Variants in FXN observed in about 807,000 individuals in gnomAD.
FXN encodes frataxin, mitochondrial.
A neutral mutation model predicts 22.4 loss-of-function variants in FXN; 14 were observed. That is an observed-to-expected ratio of 0.62 (90% CI 0.41 to 0.98). The LOEUF is 0.98. Among genes scored for constraint, FXN ranks in the 50% least tolerant of loss-of-function variants. The pLI, the probability that FXN is intolerant of heterozygous loss-of-function variation, is 0.00. For synonymous variants in FXN, 120 were observed against 114.1 expected, an observed-to-expected ratio of 1.05 and a Z score of -0.33; for missense variants, 267 against 268.4, an observed-to-expected ratio of 0.99 and a Z score of 0.04.
intron 4 of FXN, among the ~76,000 whole-genome samples, chr9:69,072,238 T>C (rs1832288635): frequency 6.6e-6 from 1 of 152,210 alleles, no homozygotes; most frequent in Admixed American, 6.5e-5. Context: ...TAACAACTAA[T>C]AATATTATAG....
chr9:69,054,947 A>G (rs1322051063), intron 3 of FXN, among the ~76,000 whole-genome samples: 1 of 152,268 alleles, frequency 6.6e-6, no homozygotes, highest in Non-Finnish European at 1.5e-5. Flanking sequence ...TGGAAATTGC[A>G]GCGGGAGCAC....
intron 1 of FXN, among the ~76,000 whole-genome samples, chr9:69,039,344 C>T (rs1451829860): frequency 1.3e-5 from 2 of 152,182 alleles, no homozygotes; most frequent in Non-Finnish European, 2.9e-5. Flanking sequence ...TCCAGGTCCT[C>T]AGTCCCATTA....
At chr9:69,063,127 G>T (rs1399595148) in intron 3 of FXN, among the ~76,000 whole-genome samples, 1 of 152,032 alleles carries the variant, frequency 6.6e-6, no homozygotes, top group Non-Finnish European at 1.5e-5. Flanking sequence ...TGAGCATAGG[G>T]GTTTGAGGCT....
At chr9:69,054,295 C>T (rs1047388635) in intron 3 of FXN, among the ~76,000 whole-genome samples, 4 of 152,168 alleles carry the variant, frequency 2.6e-5, no homozygotes, top group African/African-American at 7.2e-5. Flanking sequence ...CCACCAGGTC[C>T]GGCCTGGTGT....
intron 3 of FXN, among the ~76,000 whole-genome samples, chr9:69,055,496 CTTT>C (rs780057588): frequency 3.6e-5 from 5 of 140,506 alleles, no homozygotes; most frequent in Admixed American, 7.1e-5. Flanking sequence ...TCTTCTTCTT[CTTT>C]TTTTTTTTTT....
At chr9:69,044,796 A>G (rs541520785) in intron 1 of FXN, among the ~76,000 whole-genome samples, 81 of 152,216 alleles carry the variant, frequency 5.3e-4, no homozygotes, top group African/African-American at 1.7e-3. Flanking sequence ...GTGGTAATCA[A>G]CTCAGACCCT....
chr9:69,056,351 G>T (rs551507321), intron 3 of FXN, among the ~76,000 whole-genome samples: 2 of 152,324 alleles, frequency 1.3e-5, no homozygotes, highest in Admixed American at 1.3e-4. Context: ...AACAGATTAT[G>T]GGAGGATCTA....
chr9:69,055,980 C>T (rs1425610970), intron 3 of FXN, among the ~76,000 whole-genome samples: 1 of 152,116 alleles, frequency 6.6e-6, no homozygotes, highest in East Asian at 1.9e-4. Flanking sequence ...AGCTTCTGGG[C>T]TCAAGTGATC....
At chr9:69,071,291 G>A (rs1832270694) in intron 4 of FXN, 3 of 518,888 alleles carry the variant, frequency 5.8e-6, no homozygotes, top group South Asian at 4.2e-5. Flanking sequence ...TCCATACTGG[G>A]AACAGGTTCA....
At chr9:69,036,094 C>T in intron 1 of FXN, 147 bp downstream of exon 1, 1 of 625,190 alleles carries the variant, frequency 1.6e-6, no homozygotes, top group Non-Finnish European at 2.2e-6. Context: ...GGCGGCCCGG[C>T]GGAAGCGGCC....
intron 3 of FXN, among the ~76,000 whole-genome samples, chr9:69,053,951 G>A (rs981957378): frequency 5.9e-5 from 9 of 152,128 alleles, no homozygotes; most frequent in African/African-American, 1.9e-4. Flanking sequence ...GGCATGACCT[G>A]GGCAGGGCAC....
At position 69,072,242 on chromosome 9, in the gene FXN, AT is replaced by A. The variant is rs1201729141; in HGVS notation, c.483-368del. Among the ~76,000 whole-genome samples the A allele has an allele frequency of 3.1e-4, 47 of 152,340 alleles. 1 individual carries two copies. Among genetic ancestry groups the A allele is most frequent in the African/African-American group, 1.1e-3 (44 of 41,586 alleles). On this transcript the variant is annotated intron_variant, in intron 4 of 4. Coordinates refer to ENST00000484259, the MANE Select transcript of FXN (RefSeq NM_000144.5). ...GAATTTCACCTTAACAACTAATAAT[AT>A]TATAGGTAAGGCACAAGTTACATCT...
intron 4 of FXN, among the ~76,000 whole-genome samples, chr9:69,069,178 A>C (rs1422992358): frequency 6.6e-6 from 1 of 152,224 alleles, no homozygotes; most frequent in Non-Finnish European, 1.5e-5. Context: ...AGCCTGGGCA[A>C]CATAGTGAAA....
At chr9:69,058,549 CTGA>C (rs1832005379) in intron 3 of FXN, among the ~76,000 whole-genome samples, 1 of 151,632 alleles carries the variant, frequency 6.6e-6, no homozygotes, top group Non-Finnish European at 1.5e-5. Flanking sequence ...CTCTAAGAAT[CTGA>C]TGACTGCTCT....
chr9:69,037,895 G>A (rs540081916), intron 1 of FXN, among the ~76,000 whole-genome samples: 6 of 152,276 alleles, frequency 3.9e-5, no homozygotes, highest in Admixed American at 6.5e-5. Flanking sequence ...CAGGTGATCC[G>A]CCCACCTCGC....
At chr9:69,067,564 C>G (rs915198642) in intron 4 of FXN, among the ~76,000 whole-genome samples, 1 of 152,206 alleles carries the variant, frequency 6.6e-6, no homozygotes, top group Admixed American at 6.5e-5. Flanking sequence ...CCCATACTCT[C>G]TGTGGAAAAG....
At chr9:69,064,116 C>G (rs1832124779) in intron 3 of FXN, among the ~76,000 whole-genome samples, 1 of 152,228 alleles carries the variant, frequency 6.6e-6, no homozygotes, top group Non-Finnish European at 1.5e-5. Context: ...TGGGGAACAG[C>G]AGGCTTCCCC....
intron 2 of FXN, among the ~76,000 whole-genome samples, 155 bp downstream of exon 2, chr9:69,046,637 G>C (rs1399281040): frequency 1.3e-5 from 2 of 152,176 alleles, no homozygotes; most frequent in Non-Finnish European, 2.9e-5. Flanking sequence ...AATAGTATTA[G>C]ATTGCATGGA....
At chr9:69,044,340 G>C (rs188642891) in intron 1 of FXN, among the ~76,000 whole-genome samples, 1 of 152,166 alleles carries the variant, frequency 6.6e-6, no homozygotes, top group Non-Finnish European at 1.5e-5. Context: ...TCTAACAGTG[G>C]TTATCATGGC....
Sources: gnomAD v4.1 joint callset for allele counts (sites outside exome capture counted in the v4.1 genomes callset) on GRCh38, gnomAD v4.1.1 for gene constraint, MANE v1.5 for transcripts, NCBI Gene and HGNC (gene_info 2026-07-23, HGNC 2026-07-21) for gene names.